The following EVL variants were observed in gnomAD, a reference collection of about 807,000 sequenced individuals.
The protein encoded by EVL is Enah/Vasp-like.
EVL carries 21 observed loss-of-function variants against 59.6 expected under a neutral mutation model. That is an observed-to-expected ratio of 0.35 (90% CI 0.25 to 0.51). EVL has a LOEUF of 0.51. Among genes scored for constraint, EVL ranks in the 20% least tolerant of loss-of-function variants. The pLI is 0.97. For missense variants in EVL, 462 were observed against 546.6 expected (o/e 0.85, Z 1.54); for synonymous variants, 198 against 203.5 (o/e 0.97, Z 0.23).
chr14:100,119,044 C>T (rs1451855657), intron 3 of EVL, among the ~76,000 whole-genome samples: 1 of 152,252 alleles, frequency 6.6e-6, no homozygotes, highest in African/African-American at 2.4e-5. Flanking sequence ...AGCCAGGGAA[C>T]CTATGGCCCG....
At chr14:99,992,514 A>G (rs1487220942) in intron 1 of EVL, among the ~76,000 whole-genome samples, 1 of 152,194 alleles carries the variant, frequency 6.6e-6, no homozygotes, top group African/African-American at 2.4e-5. Context: ...GTCAAATCAA[A>G]TGTCTTGAAA....
chr14:100,065,389 T>G, upstream of EVL: 2 of 1,191,720 alleles, frequency 1.7e-6, no homozygotes, highest in Admixed American at 4.2e-5. Flanking sequence ...TTAAGTAGGC[T>G]ATAAAAATCA....
chr14:99,991,121 T>G (rs2060873289), intron 1 of EVL, among the ~76,000 whole-genome samples: 1 of 152,158 alleles, frequency 6.6e-6, no homozygotes, highest in Non-Finnish European at 1.5e-5. Context: ...TCCCTCCTCT[T>G]CAGCCTCTCA....
At chr14:100,072,685 A>G (rs1350139952) in intron 1 of EVL, among the ~76,000 whole-genome samples, 1 of 152,230 alleles carries the variant, frequency 6.6e-6, no homozygotes, top group East Asian at 1.9e-4. Flanking sequence ...CAAATGGCTC[A>G]GGGGAAAGAC....
At chr14:100,027,105 A>T (rs186268310) in intron 1 of EVL, among the ~76,000 whole-genome samples, 15 of 152,338 alleles carry the variant, frequency 9.8e-5, no homozygotes, top group Admixed American at 3.3e-4. Context: ...TATTTATAAA[A>T]ATTTTAATTA....
intron 1 of EVL, among the ~76,000 whole-genome samples, chr14:100,018,213 G>A (rs1328360435): frequency 6.6e-6 from 1 of 152,216 alleles, no homozygotes; most frequent in Non-Finnish European, 1.5e-5. Flanking sequence ...GCTGCCCTGT[G>A]GGAATCTCAG....
intron 4 of EVL, among the ~76,000 whole-genome samples, chr14:100,125,151 CCTGCCCCAAGGCAGGA>C (rs1887973276): frequency 2.4e-5 from 3 of 124,130 alleles, no homozygotes; most frequent in African/African-American, 1.2e-4. Context: ...CACACACACA[CCTGCCCCAAGGCAGGA>C]ATACACACAC....
chr14:100,070,106 T>C (rs532788613), intron 1 of EVL, among the ~76,000 whole-genome samples: 1 of 142,886 alleles, frequency 7.0e-6, no homozygotes, highest in African/African-American at 2.6e-5. Context: ...AATTAAAAAA[T>C]GAAAATTAGC....
intron 3 of EVL, among the ~76,000 whole-genome samples, chr14:100,111,894 T>G (rs1463199589): frequency 1.3e-5 from 2 of 152,244 alleles, no homozygotes; most frequent in Non-Finnish European, 2.9e-5. Context: ...CTCTGCCCAG[T>G]GGACCAGACT....
Position 100,143,958 on chromosome 14 carries a change from C to T in EVL, c.*220C>T, listed in dbSNP as rs369575702. The T allele has an allele frequency of 3.1e-5, 17 of 551,720 alleles. No individual in the cohort carries two copies. Among genetic ancestry groups the T allele is most frequent in the South Asian group, 1.3e-4 (5 of 38,164 alleles). 34.2% of individuals were successfully genotyped at this position (551,720 alleles called of 1,614,324 possible). On this transcript the variant is annotated 3_prime_UTR_variant, in exon 14 of 14. Coordinates refer to ENST00000392920, the MANE Select transcript of EVL (RefSeq NM_016337.3). ...CCTGACACGGAACACCAGGTCTGCT[C>T]GTCTTTTTTGTGTTTTATATTTGCT...
intron 3 of EVL, among the ~76,000 whole-genome samples, chr14:100,099,429 G>GT (rs1334569153): frequency 6.6e-6 from 1 of 152,134 alleles, no homozygotes; most frequent in Non-Finnish European, 1.5e-5. Flanking sequence ...GTTTTTTTAA[G>GT]TAAATAAAGA....
chr14:100,082,368 T>C (rs2062330024), intron 1 of EVL, among the ~76,000 whole-genome samples: 1 of 152,092 alleles, frequency 6.6e-6, no homozygotes, highest in Non-Finnish European at 1.5e-5. Flanking sequence ...ACTGATTAGT[T>C]ACTGGGATGG....
intron 1 of EVL, among the ~76,000 whole-genome samples, chr14:99,989,898 A>G (rs1287055094): frequency 6.6e-6 from 1 of 152,316 alleles, no homozygotes; most frequent in Non-Finnish European, 1.5e-5. Context: ...TTATGAGGCA[A>G]TTTATTGAAT....
intron 1 of EVL, among the ~76,000 whole-genome samples, chr14:100,027,150 A>C (rs942215703): frequency 1.2e-4 from 19 of 152,240 alleles, no homozygotes; most frequent in Admixed American, 3.9e-4. Context: ...TATGGGGTAC[A>C]TGTGATATTT....
intron 1 of EVL, among the ~76,000 whole-genome samples, chr14:100,000,319 TA>T (rs2060937916): frequency 1.3e-5 from 2 of 149,796 alleles, no homozygotes; most frequent in Non-Finnish European, 3.0e-5. Flanking sequence ...CATAGGTAGA[TA>T]AGAGACAAAC....
At chr14:100,077,028 A>G (rs1368617613) in intron 1 of EVL, among the ~76,000 whole-genome samples, 1 of 152,212 alleles carries the variant, frequency 6.6e-6, no homozygotes, top group Non-Finnish European at 1.5e-5. Context: ...TAGATAGATA[A>G]ACTGGGGAAC....
At chr14:99,980,992 T>C (rs1221777025) in intron 1 of EVL, among the ~76,000 whole-genome samples, 1 of 152,014 alleles carries the variant, frequency 6.6e-6, no homozygotes, top group African/African-American at 2.4e-5. Context: ...TCCCAGCTAC[T>C]CGGGAGGCTG....
chr14:100,061,403 C>CAAAAAAAAAAAAAAAAAA (rs56656380), upstream of EVL, among the ~76,000 whole-genome samples: 2 of 19,088 alleles, frequency 1.0e-4, 1 homozygote, highest in African/African-American at 5.2e-4. Context: ...GACCCTGTCT[C>CAAAAAAAAAAAAAAAAAA]AAAAAAAAAA....
intron 2 of EVL, 23 bp downstream of exon 2, chr14:100,084,878 A>T: frequency 6.2e-7 from 1 of 1,612,742 alleles, no homozygotes; most frequent in Non-Finnish European, 8.5e-7. Flanking sequence ...ATTACAGATT[A>T]TACCCGTGAG....
Sources: allele counts gnomAD v4.1 joint callset (sites outside exome capture counted in the v4.1 genomes callset), GRCh38; gene constraint gnomAD v4.1.1; transcripts MANE v1.5; gene names NCBI Gene and HGNC (gene_info 2026-07-23, HGNC 2026-07-21).